Variants in SYN3 observed in about 807,000 individuals in gnomAD.
The protein encoded by SYN3 is synapsin-3.
A neutral mutation model predicts 65.8 loss-of-function variants in SYN3; 35 were observed. The ratio of observed to expected loss-of-function variants is 0.53; its 90% CI spans 0.41 to 0.70. The LOEUF is 0.70. Ranked by LOEUF, SYN3 falls within the 30% of genes least tolerant of loss-of-function variation. The pLI is 0.00. For missense variants in SYN3, 680 were observed against 749.0 expected, an observed-to-expected ratio of 0.91 and a Z score of 1.08; for synonymous variants, 270 against 292.9, an observed-to-expected ratio of 0.92 and a Z score of 0.80.
intron 1 of SYN3, among the ~76,000 whole-genome samples, chr22:33,028,703 G>GTGGTGGTGA (rs1569413544): frequency 2.9e-4 from 41 of 139,972 alleles, no homozygotes; most frequent in African/African-American, 1.1e-3. Flanking sequence ...GGTGGTGGTG[G>GTGGTGGTGA]TGGTGGTGGT....
chr22:32,517,391 A>G (rs1302228354), intron 13 of SYN3, among the ~76,000 whole-genome samples: 1 of 152,168 alleles, frequency 6.6e-6, no homozygotes, highest in Non-Finnish European at 1.5e-5. Flanking sequence ...AGCACCAACA[A>G]CCAGATGTGT....
intron 6 of SYN3, chr22:32,857,390 G>A (rs541268668): frequency 4.9e-5 from 76 of 1,564,734 alleles, no homozygotes; most frequent in Non-Finnish European, 5.9e-5. Flanking sequence ...TCTAGGCCAG[G>A]GTTTGGCCAA....
At chr22:32,906,721 T>C (rs2049913018) in intron 4 of SYN3, among the ~76,000 whole-genome samples, 2 of 151,868 alleles carry the variant, frequency 1.3e-5, no homozygotes, top group South Asian at 2.1e-4. Flanking sequence ...TGTGTTCCCA[T>C]TGTTCAACTC....
chr22:32,596,590 A>G, intron 7 of SYN3, 84 bp downstream of exon 7: 3 of 1,434,766 alleles, frequency 2.1e-6, no homozygotes, highest in Non-Finnish European at 2.9e-6. Flanking sequence ...TAAGGGGTTG[A>G]TGGGTGACAG....
chr22:32,893,003 T>TA lies in SYN3; in HGVS notation c.462-23879dup, dbSNP rs898568885. 3.3e-4 allele frequency among the ~76,000 whole-genome samples: 51 copies of TA among 152,278 alleles called. 1 individual carries two copies. Among genetic ancestry groups the TA allele is most frequent in the Admixed American group, 1.2e-3 (18 of 15,302 alleles). On this transcript the variant is annotated intron_variant, in intron 4 of 13. Transcript: ENST00000358763. Reference sequence around the variant, plus strand: ...ACCAGGAAATGCCCAAGAATTCTGATAGTCTGGAATCTATTTCTGGACCCT... The same window carrying TA: ...ACCAGGAAATGCCCAAGAATTCTGATAAGTCTGGAATCTATTTCTGGACCCT...
At chr22:32,920,693 C>T (rs2050313885) in intron 4 of SYN3, among the ~76,000 whole-genome samples, 1 of 152,170 alleles carries the variant, frequency 6.6e-6, no homozygotes, top group Non-Finnish European at 1.5e-5. Context: ...TTGTGCCCTC[C>T]TGACCCCATT....
intron 6 of SYN3, among the ~76,000 whole-genome samples, chr22:32,764,165 A>G (rs2045563197): frequency 6.6e-6 from 1 of 151,760 alleles, no homozygotes; most frequent in Non-Finnish European, 1.5e-5. Context: ...CTGGTCTCGA[A>G]CTCCAGACCT....
intron 6 of SYN3, among the ~76,000 whole-genome samples, chr22:32,844,986 C>T (rs537379465): frequency 1.1e-4 from 16 of 152,304 alleles, no homozygotes; most frequent in Non-Finnish European, 1.9e-4. Context: ...GCCTTGGCCT[C>T]CCAAAGTGAT....
chr22:32,762,372 G>A (rs1311738705), intron 6 of SYN3, among the ~76,000 whole-genome samples: 4 of 152,122 alleles, frequency 2.6e-5, no homozygotes, highest in South Asian at 4.2e-4. Flanking sequence ...CTGTCCATAC[G>A]TCTTTCCCCT....
intron 1 of SYN3, among the ~76,000 whole-genome samples, chr22:33,012,468 A>C (rs1007997671): frequency 3.3e-5 from 5 of 152,250 alleles, no homozygotes; most frequent in African/African-American, 7.2e-5. Flanking sequence ...GAAAGAATGC[A>C]TATTTTGTGG....
chr22:32,548,406 C>T (rs190783246), intron 7 of SYN3, among the ~76,000 whole-genome samples: 430 of 152,102 alleles, frequency 2.8e-3, no homozygotes, highest in Middle Eastern at 0.027. Flanking sequence ...CGGAATCTTG[C>T]TCTGTCGTCA....
At chr22:32,949,624 T>C (rs1184702702) in intron 3 of SYN3, among the ~76,000 whole-genome samples, 1 of 152,078 alleles carries the variant, frequency 6.6e-6, no homozygotes, top group Non-Finnish European at 1.5e-5. Flanking sequence ...TTGGCTGCAT[T>C]TTCACCGGCA....
chr22:32,976,552 G>A lies in SYN3; in HGVS notation c.369+4093C>T, dbSNP rs547133364. Among the ~76,000 whole-genome samples the A allele has an allele frequency of 3.9e-5, 6 of 152,202 alleles. No individual in the cohort carries two copies. In the East Asian group the frequency reaches 1.2e-3, roughly 29 times the overall value. On this transcript the variant is annotated intron_variant, in intron 3 of 13. Coordinates refer to ENST00000358763, the MANE Select transcript of SYN3 (RefSeq NM_003490.4). ...CACAGAGGGGTGACTTGTGCCTGTGGAGAAAAAGACCCTTTGCCTCAAATA... is the reference window on the plus strand; with the variant it reads ...CACAGAGGGGTGACTTGTGCCTGTGAAGAAAAAGACCCTTTGCCTCAAATA...
chr22:32,617,805 G>A (rs2146726945), intron 6 of SYN3, among the ~76,000 whole-genome samples: 1 of 152,012 alleles, frequency 6.6e-6, no homozygotes, highest in African/African-American at 2.4e-5. Flanking sequence ...GGGAGAGGAG[G>A]GGTTGGGGTC....
intron 4 of SYN3, among the ~76,000 whole-genome samples, chr22:32,892,849 T>C (rs944545932): frequency 6.6e-5 from 10 of 152,116 alleles, no homozygotes; most frequent in Non-Finnish European, 2.9e-5. Flanking sequence ...AAGCTACCTA[T>C]TTCTGGGGTA....
In SYN3 at chr22:32,632,564, G is replaced by A. The variant is rs182265566; in HGVS notation, c.712-35828C>T. Among the ~76,000 whole-genome samples, 627 of 152,298 alleles carry A rather than the reference G, an allele frequency of 4.1e-3. 3 individuals carry two copies. Among genetic ancestry groups the A allele is most frequent in the Middle Eastern group, 0.037 (11 of 294 alleles). On this transcript the variant is annotated intron_variant, in intron 6 of 13. Transcript: ENST00000358763. ...GTGAACTAATGGGAGATGGGCCAGAGAATCTCCAAAGTTCCTTCCTGCCCT... is the reference window on the plus strand; with the variant it reads ...GTGAACTAATGGGAGATGGGCCAGAAAATCTCCAAAGTTCCTTCCTGCCCT...
At position 32,508,355 on chromosome 22, in the gene SYN3, C is replaced by A. The variant is rs916618144; in HGVS notation, c.*5337G>T. 6.6e-6 allele frequency among the ~76,000 whole-genome samples: 1 copy of A among 152,158 alleles called. No individual in the cohort carries two copies. Among genetic ancestry groups the A allele is most frequent in the Non-Finnish European group, 1.5e-5 (1 of 68,036 alleles). ...CCCCTTTGCATGTAATTTTCCATTA[C>A]CTTCCCAAATCCTATAAAACGGCCC... On this transcript the variant is annotated 3_prime_UTR_variant, in exon 14 of 14. Coordinates refer to ENST00000358763, the MANE Select transcript of SYN3 (RefSeq NM_003490.4).
chr22:32,690,939 A>T (rs1354716990), intron 6 of SYN3, among the ~76,000 whole-genome samples: 43 of 152,228 alleles, frequency 2.8e-4, no homozygotes, highest in Admixed American at 2.5e-3. Flanking sequence ...AGGAAAGAGG[A>T]GGTGGCAGTG....
intron 4 of SYN3, among the ~76,000 whole-genome samples, chr22:32,900,416 T>C (rs1569313039): frequency 6.6e-6 from 1 of 152,218 alleles, no homozygotes; most frequent in Non-Finnish European, 1.5e-5. Context: ...TTAAAACCCA[T>C]TGTAAATGTT....
Sources: gnomAD v4.1 joint callset for allele counts (sites outside exome capture counted in the v4.1 genomes callset) on GRCh38, gnomAD v4.1.1 for gene constraint, MANE v1.5 for transcripts, NCBI Gene and HGNC (gene_info 2026-07-23, HGNC 2026-07-21) for gene names.